Variants in HCN1 observed in about 807,000 individuals in gnomAD.
The protein encoded by HCN1 is hyperpolarization activated cyclic nucleotide gated potassium channel 1.
HCN1 carries 13 observed loss-of-function variants against 78.9 expected under a neutral mutation model. That is an observed-to-expected ratio of 0.16 (90% CI 0.11 to 0.26). The LOEUF (loss-of-function observed/expected upper bound fraction) is 0.26, where lower values mean the gene tolerates loss of function less well. Among genes scored for constraint, HCN1 ranks in the 10% least tolerant of loss-of-function variants. HCN1 has a pLI of 1.00. For synonymous variants in HCN1, 552 were observed against 455.5 expected (o/e 1.21, Z -2.70); for missense variants, 810 against 1,154.3 (o/e 0.70, Z 4.32).
rs148542241 is a variant in HCN1 at position 45,463,215 on chromosome 5, T to C, written c.850-1208A>G. ...TGATATCTTTGTAGGAAAATATCTATAATTCTTAAAATACACACACTGAAG... is the reference window on the plus strand; with the variant it reads ...TGATATCTTTGTAGGAAAATATCTACAATTCTTAAAATACACACACTGAAG... On this transcript the variant is annotated intron_variant, in intron 2 of 7. Coordinates refer to ENST00000303230, the MANE Select transcript of HCN1 (RefSeq NM_021072.4). 7.1e-3 allele frequency among the ~76,000 whole-genome samples: 1,087 copies of C among 152,118 alleles called. 6 individuals carry two copies. The highest frequency in any genetic ancestry group is 0.065 in the Middle Eastern group (19 of 294).
At chr5:45,354,283 G>A (rs1454016471) in intron 4 of HCN1, among the ~76,000 whole-genome samples, 1 of 151,532 alleles carries the variant, frequency 6.6e-6, no homozygotes, top group African/African-American at 2.4e-5. Flanking sequence ...AAATGCAGGG[G>A]GTCATAAGAC....
chr5:45,608,352 G>GGTGTGTGT (rs1239049493), intron 2 of HCN1, among the ~76,000 whole-genome samples: 16 of 111,190 alleles, frequency 1.4e-4, no homozygotes, highest in African/African-American at 3.7e-4. Context: ...GGGTAGGATG[G>GGTGTGTGT]GTGTATGTGT....
intron 5 of HCN1, among the ~76,000 whole-genome samples, chr5:45,309,061 T>C (rs1273448902): frequency 6.6e-6 from 1 of 152,126 alleles, no homozygotes; most frequent in Non-Finnish European, 1.5e-5. Flanking sequence ...GTTTGTACTA[T>C]CCTTTTAGAG....
chr5:45,500,085 C>T (rs536891423), intron 2 of HCN1, among the ~76,000 whole-genome samples: 4 of 152,010 alleles, frequency 2.6e-5, no homozygotes, highest in African/African-American at 9.6e-5. Context: ...CAATGTTATG[C>T]TTATTGGGAA....
intron 1 of HCN1, among the ~76,000 whole-genome samples, chr5:45,656,217 T>A (rs1167077909): frequency 1.3e-5 from 2 of 152,174 alleles, no homozygotes; most frequent in African/African-American, 4.8e-5. Flanking sequence ...AAAGACAGCA[T>A]TTGCTAAGGA....
chr5:45,465,198 A>T (rs1024351863), intron 2 of HCN1, among the ~76,000 whole-genome samples: 10 of 152,228 alleles, frequency 6.6e-5, no homozygotes, highest in Admixed American at 1.3e-4. Flanking sequence ...AATAATAATA[A>T]CATAAATAAC....
At chr5:45,516,162 G>A (rs183486422) in intron 2 of HCN1, among the ~76,000 whole-genome samples, 1 of 151,896 alleles carries the variant, frequency 6.6e-6, no homozygotes, top group African/African-American at 2.4e-5. Flanking sequence ...TTTGGAAGGG[G>A]TTTCCTCAAT....
In HCN1 at chr5:45,611,781, A is replaced by G. The variant is rs566974364; in HGVS notation, c.849+33404T>C. On this transcript the variant is annotated intron_variant, in intron 2 of 7. Transcript: ENST00000303230. ...AGACTATCTTTGCTAAAATTATTCT[A>G]TTTTAGCATAAAACATGCAACAACT... Among the ~76,000 whole-genome samples, 6 of 152,222 alleles carry G rather than the reference A, an allele frequency of 3.9e-5. No individual in the cohort carries two copies. In the South Asian group the frequency reaches 8.3e-4, roughly 21 times the overall value.
intron 3 of HCN1, among the ~76,000 whole-genome samples, chr5:45,437,037 T>C (rs1194419792): frequency 6.6e-6 from 1 of 152,150 alleles, no homozygotes; most frequent in Admixed American, 6.5e-5. Flanking sequence ...TATAAACCCA[T>C]GTGTATATGG....
intron 1 of HCN1, among the ~76,000 whole-genome samples, chr5:45,669,935 T>C (rs1490023341): frequency 1.3e-5 from 2 of 151,706 alleles, no homozygotes; most frequent in African/African-American, 4.8e-5. Context: ...TTAGATGAGT[T>C]TATGGTGTTT....
intron 3 of HCN1, among the ~76,000 whole-genome samples, chr5:45,416,622 G>A (rs1465739211): frequency 1.3e-5 from 2 of 151,842 alleles, no homozygotes; most frequent in Non-Finnish European, 2.9e-5. Context: ...GAAGGCAAAC[G>A]CATAAATACA....
intron 1 of HCN1, among the ~76,000 whole-genome samples, chr5:45,668,509 C>A (rs1746093206): frequency 6.6e-6 from 1 of 151,890 alleles, no homozygotes; most frequent in South Asian, 2.1e-4. Flanking sequence ...AATTTCTTTT[C>A]TTCATAAATT....
chr5:45,265,920 G>T (rs1744847428), intron 7 of HCN1, among the ~76,000 whole-genome samples: 1 of 152,128 alleles, frequency 6.6e-6, no homozygotes, highest in Non-Finnish European at 1.5e-5. Context: ...TGCATCCAAG[G>T]AACTGGGCTT....
intron 1 of HCN1, among the ~76,000 whole-genome samples, chr5:45,666,436 T>C (rs1324632660): frequency 6.6e-6 from 1 of 152,034 alleles, no homozygotes; most frequent in African/African-American, 2.4e-5. Context: ...AACAACCGTG[T>C]CATTGTTCTG....
intron 4 of HCN1, among the ~76,000 whole-genome samples, chr5:45,374,116 AAT>A (rs1491155496): frequency 3.0e-5 from 3 of 101,034 alleles, no homozygotes; most frequent in South Asian, 2.6e-4. Flanking sequence ...TTATATACAT[AAT>A]ATATATAATA....
intron 1 of HCN1, among the ~76,000 whole-genome samples, chr5:45,686,938 T>C (rs1739820950): frequency 6.6e-6 from 1 of 152,166 alleles, no homozygotes; most frequent in African/African-American, 2.4e-5. Flanking sequence ...TGGTGTAATT[T>C]CTTGTTTTGC....
At chr5:45,508,442 T>C (rs2111750184) in intron 2 of HCN1, among the ~76,000 whole-genome samples, 1 of 152,242 alleles carries the variant, frequency 6.6e-6, no homozygotes, top group African/African-American at 2.4e-5. Context: ...TTCACCTGTT[T>C]ATAATTAAAG....
At chr5:45,500,019 T>G (rs1177076155) in intron 2 of HCN1, among the ~76,000 whole-genome samples, 1 of 152,142 alleles carries the variant, frequency 6.6e-6, no homozygotes, top group East Asian at 1.9e-4. Context: ...GTAATTATAA[T>G]TTTATAATAT....
At chr5:45,310,896 A>C (rs1745839227) in intron 5 of HCN1, among the ~76,000 whole-genome samples, 1 of 152,174 alleles carries the variant, frequency 6.6e-6, no homozygotes, top group South Asian at 2.1e-4. Flanking sequence ...TATCATCCCT[A>C]GCAAATTAAT....
Sources: gnomAD v4.1 joint callset for allele counts (sites outside exome capture counted in the v4.1 genomes callset) on GRCh38, gnomAD v4.1.1 for gene constraint, MANE v1.5 for transcripts, NCBI Gene and HGNC (gene_info 2026-07-23, HGNC 2026-07-21) for gene names.